The following ECE1 variants were observed in gnomAD, a reference collection of about 807,000 sequenced individuals.
ECE1 encodes the protein endothelin-converting enzyme 1.
Under a neutral mutation model 98.6 loss-of-function variants are expected in ECE1, and 35 were observed. That is an observed-to-expected ratio of 0.35 (90% CI 0.27 to 0.47). The LOEUF is 0.47. Ranked by LOEUF, ECE1 falls within the 20% of genes least tolerant of loss-of-function variation. The pLI is 1.00. For synonymous variants in ECE1, 394 were observed against 407.1 expected (o/e 0.97, Z 0.39); for missense variants, 814 against 1,025.3 (o/e 0.79, Z 2.81).
intron 4 of ECE1, among the ~76,000 whole-genome samples, chr1:21,269,312 A>G (rs1249993714): frequency 6.6e-6 from 1 of 152,214 alleles, no homozygotes; most frequent in African/African-American, 2.4e-5. Flanking sequence ...TGAGTTTACT[A>G]TGAGAATTCA....
At chr1:21,297,533 T>TC (rs35620830) in intron 1 of ECE1, among the ~76,000 whole-genome samples, 46,559 of 142,778 alleles carry the variant, frequency 0.33, 8,196 homozygotes, top group African/African-American at 0.49. Context: ...TCTTTTTCTT[T>TC]TTTTTTTTTT....
chr1:21,280,678 C>A (rs143609775), intron 2 of ECE1, among the ~76,000 whole-genome samples: 22 of 152,306 alleles, frequency 1.4e-4, no homozygotes, highest in Middle Eastern at 3.4e-3. Context: ...ACGGCCCCAC[C>A]AACAGCCTGA....
intron 10 of ECE1, among the ~76,000 whole-genome samples, chr1:21,239,603 G>A (rs1219206357): frequency 6.6e-6 from 1 of 152,160 alleles, no homozygotes; most frequent in East Asian, 1.9e-4. Context: ...ACAGACTCAA[G>A]CTGAGCAAAA....
rs534916853 is a variant in ECE1, at chr1:21,241,046, A to G, written c.1279-2802T>C. On this transcript the variant is annotated intron_variant, in intron 10 of 18. Coordinates refer to ENST00000374893, the MANE Select transcript of ECE1 (RefSeq NM_001397.3). ...ATGCCCAGAACATCCAGTGAGAGAA[A>G]CAGACATGTAATTGCACCATCCACA... Among the ~76,000 whole-genome samples, 8 of 152,334 alleles carry G rather than the reference A, an allele frequency of 5.3e-5. No individual in the cohort carries two copies. In the South Asian group the frequency reaches 1.7e-3, roughly 32 times the overall value.
chr1:21,290,693 C>G (rs1335832691), upstream of ECE1, among the ~76,000 whole-genome samples: 2 of 152,200 alleles, frequency 1.3e-5, no homozygotes, highest in East Asian at 3.9e-4. This position sits in a 1 kb window ranked among gnomAD's most constrained non-coding sequence, Gnocchi z 7.3. Context: ...CTTAAGTCCC[C>G]CTTCAACAAC....
At chr1:21,302,537 C>G (rs1638507938) in intron 1 of ECE1, among the ~76,000 whole-genome samples, 1 of 152,212 alleles carries the variant, frequency 6.6e-6, no homozygotes, top group Non-Finnish European at 1.5e-5. Flanking sequence ...CGGTGACTTA[C>G]AAGTAAGATA....
chr1:21,276,071 C>A (rs2098246780), intron 3 of ECE1, among the ~76,000 whole-genome samples: 1 of 118,836 alleles, frequency 8.4e-6, no homozygotes. Flanking sequence ...TTTGCTCTGT[C>A]ACCCAGTGCA....
At chr1:21,318,883 AG>A (rs1195084681) in intron 1 of ECE1, among the ~76,000 whole-genome samples, 3 of 152,222 alleles carry the variant, frequency 2.0e-5, no homozygotes, top group African/African-American at 7.2e-5. Flanking sequence ...GAGGGTCAGA[AG>A]AAAGTCAGCA....
rs534223589 is a variant in ECE1, at chr1:21,273,026, C to G, written c.281-115G>C. The G allele has an allele frequency of 3.1e-5, 36 of 1,154,438 alleles. No individual in the cohort carries two copies. In the Middle Eastern group the frequency reaches 7.7e-4, roughly 25 times the overall value. 71.5% of individuals were successfully genotyped at this position (1,154,438 alleles called of 1,614,324 possible). ...ATGTCCCACCCTGGCCCTGACCACACAGATTTGGAACTGGACGGTCACTAG... is the reference window on the plus strand; with the variant it reads ...ATGTCCCACCCTGGCCCTGACCACAGAGATTTGGAACTGGACGGTCACTAG... On this transcript the variant is annotated intron_variant, in intron 3 of 18. Transcript: ENST00000374893.
intron 4 of ECE1, among the ~76,000 whole-genome samples, chr1:21,265,213 C>T (rs151152334): frequency 2.0e-5 from 3 of 152,272 alleles, no homozygotes; most frequent in Admixed American, 6.5e-5. Context: ...GACAGAGAAA[C>T]GTAGCACTCT....
At chr1:21,268,693 G>A (rs1333337044) in intron 4 of ECE1, among the ~76,000 whole-genome samples, 4 of 152,190 alleles carry the variant, frequency 2.6e-5, no homozygotes, top group African/African-American at 7.2e-5. Context: ...GGGCACCTCC[G>A]GCTTGTTCCC....
chr1:21,225,169 G>T lies in ECE1; in HGVS notation c.2040+81C>A, dbSNP rs548576929. ...CACGGCTGCTGCGCCTGCCCTGGTT[G>T]TCCGTGATGATCCTCTACGGACAGG... On this transcript the variant is annotated intron_variant, in intron 17 of 18. Transcript: ENST00000374893. The surrounding 1 kb of genome is among the most constrained non-coding windows in gnomAD (Gnocchi z 5.3). The T allele has an allele frequency of 4.4e-5, 69 of 1,557,236 alleles. No individual in the cohort carries two copies. The East Asian group carries it at 1.4e-3, about 32-fold the overall frequency.
At chr1:21,332,922 T>C (rs916545972) in intron 1 of ECE1, among the ~76,000 whole-genome samples, 4 of 151,966 alleles carry the variant, frequency 2.6e-5, no homozygotes, top group African/African-American at 9.7e-5. Flanking sequence ...GTGTCAACAC[T>C]GTTACAATAT....
intron 6 of ECE1, 60 bp from the exon 7 acceptor site, chr1:21,257,650 G>A (rs1447310674): frequency 4.5e-6 from 7 of 1,558,406 alleles, no homozygotes; most frequent in South Asian, 2.2e-5. Flanking sequence ...TCCACTGCAC[G>A]GCCTCCTGCC....
In ECE1 at chr1:21,312,617, T is replaced by TTAAATAAA. The variant is rs111907863; in HGVS notation, c.4-22469_4-22462dup. Among the ~76,000 whole-genome samples, 765 of 151,836 alleles carry TTAAATAAA rather than the reference T, an allele frequency of 5.0e-3. 11 individuals are homozygous for TTAAATAAA. Among genetic ancestry groups the TTAAATAAA allele is most frequent in the African/African-American group, 0.017 (699 of 41,216 alleles). On this transcript the variant is annotated intron_variant, in intron 1 of 18. Transcript: ENST00000415912. ...TAGTGACAAAGCAAGACCCTGTCTC[T>TTAAATAAA]TAAATAAATAAATAAAAAGAGCAAG...
chr1:21,235,986 C>CA lies in ECE1; in HGVS notation c.1489-60dup. ...GCAACATCGACCAGGCCAGCCTGAGCAACTTGGGTGCTGGGCTCATAGTCT... is the reference window on the plus strand; with the variant it reads ...GCAACATCGACCAGGCCAGCCTGAGCAAACTTGGGTGCTGGGCTCATAGTCT... On this transcript the variant is annotated intron_variant, in intron 12 of 18. Transcript: ENST00000374893. This position sits in a 1 kb window ranked among gnomAD's most constrained non-coding sequence, Gnocchi z 4.2. The CA allele has an allele frequency of 2.0e-6, 3 of 1,523,554 alleles. No individual in the cohort carries two copies. Among genetic ancestry groups the CA allele is most frequent in the Non-Finnish European group, 1.8e-6 (2 of 1,097,558 alleles). 94.4% of individuals were successfully genotyped at this position (1,523,554 alleles called of 1,614,324 possible). A position where few individuals can be genotyped will look rare whatever the true frequency, so the allele number is the denominator to read the frequency against.
intron 11 of ECE1, among the ~76,000 whole-genome samples, chr1:21,237,665 G>T (rs1252347824): frequency 6.6e-6 from 1 of 152,176 alleles, no homozygotes; most frequent in African/African-American, 2.4e-5. Flanking sequence ...CATTGCAGAT[G>T]ATGTAAGAAC....
intron 17 of ECE1, 170 bp from the exon 18 acceptor site, chr1:21,222,012 GC>G: frequency 1.5e-6 from 1 of 687,812 alleles, no homozygotes; most frequent in East Asian, 2.7e-5. Context: ...CACTCGTTTA[GC>G]CCTATGGCTT....
intron 1 of ECE1, among the ~76,000 whole-genome samples, chr1:21,325,619 A>C (rs1569763689): frequency 6.6e-6 from 1 of 152,234 alleles, no homozygotes; most frequent in East Asian, 1.9e-4. Context: ...GAGTCACCTC[A>C]CCTCACCAAG....
Sources: gnomAD v4.1 joint callset for allele counts (sites outside exome capture counted in the v4.1 genomes callset) on GRCh38, gnomAD v4.1.1 for gene constraint, Gnocchi (gnomAD v3.1) non-coding constraint, MANE v1.5 for transcripts, NCBI Gene and HGNC (gene_info 2026-07-23, HGNC 2026-07-21) for gene names.